HMCN1: variants seen among roughly 807,000 people sequenced by gnomAD.
The protein encoded by HMCN1 is hemicentin 1, also known as hemicentin-1.
Under a neutral mutation model 625.9 loss-of-function variants are expected in HMCN1, and 321 were observed. The observed-to-expected ratio is 0.51, with a 90% CI of 0.47 to 0.56. HMCN1 has a LOEUF of 0.56. Ranked by LOEUF, HMCN1 falls within the 20% of genes least tolerant of loss-of-function variation. The probability of loss-of-function intolerance (pLI) is 0.00; values close to 1 mark genes in which losing one functional copy is unlikely to be tolerated. For missense variants in HMCN1, 6,588 were observed against 6,887.3 expected (o/e 0.96, Z 1.54); for synonymous variants, 2,425 against 2,417.6 (o/e 1.00, Z -0.09).
At chr1:185,781,607 C>A (rs892116823) in intron 1 of HMCN1, among the ~76,000 whole-genome samples, 9 of 152,108 alleles carry the variant, frequency 5.9e-5, no homozygotes, top group Non-Finnish European at 8.8e-5. Flanking sequence ...CGTTATGTAC[C>A]CAGTGGTCAT....
At position 186,145,805 on chromosome 1, in the gene HMCN1, T is replaced by C; in HGVS notation, c.14490T>C (p.Cys4830=). The C allele has an allele frequency of 6.2e-7, 1 of 1,614,038 alleles. No homozygotes were observed. The highest frequency in any genetic ancestry group is 2.2e-5 in the East Asian group (1 of 44,874). The change falls in exon 93 of 107, where the codon TGT becomes TGC. Residue 4830 remains cysteine (C), a synonymous_variant. Transcript: ENST00000271588. ...WHSWSQCSAS[C]GGGEKTRKRL... ...GTTGGAGCCAGTGCTCTGCCTCCTG[T>C]GGAGGAGGTGAAAAGACTCGGAAGC...
intron 68 of HMCN1, among the ~76,000 whole-genome samples, chr1:186,096,226 G>C (rs1212898277): frequency 1.3e-5 from 2 of 152,122 alleles, no homozygotes; most frequent in Admixed American, 6.6e-5. Flanking sequence ...GTCTTGGTTA[G>C]GTAGAAGTTA....
chr1:185,999,075 A>T (rs1653000735), intron 25 of HMCN1, among the ~76,000 whole-genome samples: 2 of 151,950 alleles, frequency 1.3e-5, no homozygotes, highest in African/African-American at 4.8e-5. Flanking sequence ...TAAGCCTTTA[A>T]CTCAATTTAA....
At chr1:185,966,304 A>G (rs962016699) in intron 14 of HMCN1, among the ~76,000 whole-genome samples, 1 of 152,182 alleles carries the variant, frequency 6.6e-6, no homozygotes, top group African/African-American at 2.4e-5. Context: ...ATTCACAAGG[A>G]TACTTTCTAT....
chr1:186,124,239 A>G (rs1661535393), intron 81 of HMCN1, among the ~76,000 whole-genome samples: 1 of 152,114 alleles, frequency 6.6e-6, no homozygotes. Flanking sequence ...TGAACTTTGA[A>G]AACCCCAAAC....
chr1:185,948,183 T>C (rs1668441968), intron 11 of HMCN1, among the ~76,000 whole-genome samples: 2 of 152,190 alleles, frequency 1.3e-5, no homozygotes, highest in Admixed American at 1.3e-4. Flanking sequence ...CAATAGAAAT[T>C]AGTTCCCTTA....
Position 186,189,574 on chromosome 1 carries a change from A to G in HMCN1, c.16604A>G (p.Glu5535Gly), listed in dbSNP as rs1653582185. 6.2e-7 allele frequency: 1 copy of G among 1,613,726 alleles called. No homozygotes were observed. The change falls in exon 107 of 107, where the codon GAA becomes GGA. Residue 5535 changes from glutamate (E) to glycine (G), a missense_variant. Around this residue, in one of 3 missense-constraint regions of HMCN1, gnomAD observed 1,954 missense variants for 2,013.1 expected, o/e 0.97. Coordinates refer to ENST00000271588, the MANE Select transcript of HMCN1 (RefSeq NM_031935.3). ...TGTGCCTTGAGCCCATATGCCTTGGAATACAAACTCGTCTCCCTCCCATTT... is the reference window on the plus strand; with the variant it reads ...TGTGCCTTGAGCCCATATGCCTTGGGATACAAACTCGTCTCCCTCCCATTT... ...LECALSPYAL[E>G]YKLVSLPFGI...
chr1:186,079,572 G>A (rs1318175755), intron 55 of HMCN1, among the ~76,000 whole-genome samples: 1 of 152,160 alleles, frequency 6.6e-6, no homozygotes, highest in Non-Finnish European at 1.5e-5. Flanking sequence ...ATGCAGGCCT[G>A]GATGTCTGCC....
chr1:186,069,995 G>A (rs1658386073), intron 51 of HMCN1, among the ~76,000 whole-genome samples: 1 of 152,184 alleles, frequency 6.6e-6, no homozygotes, highest in Non-Finnish European at 1.5e-5. Flanking sequence ...ATTACTCTCT[G>A]TTGGAGACTT....
chr1:186,188,621 T>C (rs1050198507), intron 106 of HMCN1, among the ~76,000 whole-genome samples: 1 of 152,158 alleles, frequency 6.6e-6, no homozygotes, highest in African/African-American at 2.4e-5. Flanking sequence ...AAACAAGTGA[T>C]AATATTCCTC....
chr1:186,081,207 T>C lies in HMCN1; in HGVS notation c.8600T>C (p.Val2867Ala), dbSNP rs1659147609. The C allele has an allele frequency of 4.3e-6, 7 of 1,613,050 alleles. No individual in the cohort carries two copies. The highest frequency in any genetic ancestry group is 5.1e-6 in the Non-Finnish European group (6 of 1,179,220). Residue 2867 changes from valine (V) to alanine (A), a missense_variant and splice_region_variant, in exon 56 of 107, where the codon GTG becomes GCG. Around this residue, in one of 3 missense-constraint regions of HMCN1, gnomAD observed 4,628 missense variants for 4,853.1 expected, o/e 0.95. Coordinates refer to ENST00000271588, the MANE Select transcript of HMCN1 (RefSeq NM_031935.3). Reference protein sequence around the residue: ...DSLQYDVRVLVPPIIKGANSD... With the variant: ...DSLQYDVRVLAPPIIKGANSD... ...TCCCTTTGTTGCAATCCTTTGTTAGTGCCGCCAATTATCAAGGGAGCAAAT... is the reference window on the plus strand; with the variant it reads ...TCCCTTTGTTGCAATCCTTTGTTAGCGCCGCCAATTATCAAGGGAGCAAAT...
At chr1:185,871,095 G>T (rs1365294683) in intron 4 of HMCN1, among the ~76,000 whole-genome samples, 1 of 152,118 alleles carries the variant, frequency 6.6e-6, no homozygotes, top group Non-Finnish European at 1.5e-5. Flanking sequence ...TGGGCATGGT[G>T]GCGCATGCCT....
At chr1:186,056,827 A>AC (rs1475717404) in intron 45 of HMCN1, among the ~76,000 whole-genome samples, 1 of 151,788 alleles carries the variant, frequency 6.6e-6, no homozygotes, top group Non-Finnish European at 1.5e-5. Context: ...GATCAATCAT[A>AC]CCCCAAGCCT....
intron 11 of HMCN1, among the ~76,000 whole-genome samples, chr1:185,955,937 A>G (rs1021397964): frequency 6.6e-6 from 1 of 152,098 alleles, no homozygotes; most frequent in Non-Finnish European, 1.5e-5. Context: ...TTCTAGTTCT[A>G]TTATCCCTAT....
intron 1 of HMCN1, among the ~76,000 whole-genome samples, chr1:185,784,608 C>G (rs1657428227): frequency 6.6e-6 from 1 of 151,992 alleles, no homozygotes; most frequent in Admixed American, 6.6e-5. Context: ...TAAACATGAG[C>G]TAGACAGACT....
Position 186,066,498 on chromosome 1 carries a change from G to T in HMCN1, c.7705+1069G>T, listed in dbSNP as rs78779584. ...AGTTACTCCTTGCACTTACACCCTCGACCCTGTATCTTTCCACCATCTGCC... is the reference window on the plus strand; with the variant it reads ...AGTTACTCCTTGCACTTACACCCTCTACCCTGTATCTTTCCACCATCTGCC... On this transcript the variant is annotated intron_variant, in intron 49 of 106. Coordinates refer to ENST00000271588, the MANE Select transcript of HMCN1 (RefSeq NM_031935.3). Among the ~76,000 whole-genome samples, 693 of 152,050 alleles carry T rather than the reference G, an allele frequency of 4.6e-3. 29 individuals are homozygous for T. The East Asian group carries it at 0.1, about 23-fold the overall frequency.
At chr1:186,173,737 T>C (rs2102642431) in intron 102 of HMCN1, among the ~76,000 whole-genome samples, 1 of 151,892 alleles carries the variant, frequency 6.6e-6, no homozygotes, top group Non-Finnish European at 1.5e-5. Context: ...TTCAGAATAT[T>C]GGCCCTAATT....
chr1:185,929,030 TATTATC>T (rs1398918644), intron 10 of HMCN1, among the ~76,000 whole-genome samples: 1 of 149,382 alleles, frequency 6.7e-6, no homozygotes, highest in Non-Finnish European at 1.5e-5. Context: ...TTATTATTGT[TATTATC>T]ATTATTGTCA....
chr1:186,006,500 ACT>A (rs1436728104), intron 29 of HMCN1, among the ~76,000 whole-genome samples: 1 of 152,088 alleles, frequency 6.6e-6, no homozygotes, highest in Non-Finnish European at 1.5e-5. Context: ...TCAGTAAATG[ACT>A]CTGTATAGTA....
Sources: gnomAD v4.1 joint callset for allele counts (sites outside exome capture counted in the v4.1 genomes callset) on GRCh38, gnomAD v4.1.1 for gene constraint, gnomAD v4.1.1 regional missense constraint, MANE v1.5 for transcripts, NCBI Gene and HGNC (gene_info 2026-07-23, HGNC 2026-07-21) for gene names.